Variants in DNAH11 observed in about 807,000 individuals in gnomAD.
DNAH11 encodes axonemal beta dynein heavy chain 11.
Under a neutral mutation model 526.0 loss-of-function variants are expected in DNAH11, and 442 were observed. The ratio of observed to expected loss-of-function variants is 0.84; its 90% CI spans 0.78 to 0.91. The LOEUF (loss-of-function observed/expected upper bound fraction) is 0.91, where lower values mean the gene tolerates loss of function less well. Among genes scored for constraint, DNAH11 ranks in the 40% least tolerant of loss-of-function variants. DNAH11 has a pLI of 0.00. For missense variants in DNAH11, 6,989 were observed against 5,448.7 expected (o/e 1.28, Z -8.90); for synonymous variants, 2,461 against 1,935.9 (o/e 1.27, Z -7.12).
At position 21,579,706 on chromosome 7, in the gene DNAH11, A is replaced by C. The variant is rs549212504; in HGVS notation, c.1594-2199A>C. Among the ~76,000 whole-genome samples, 285 of 152,354 alleles carry C rather than the reference A, an allele frequency of 1.9e-3. 1 individual carries two copies. Among genetic ancestry groups the C allele is most frequent in the African/African-American group, 6.6e-3 (273 of 41,582 alleles). On this transcript the variant is annotated intron_variant, in intron 8 of 81. Transcript: ENST00000409508. The stretch of plus-strand genomic sequence containing the variant: ...TGCTAAGACCTTTGGACGTTATCCT[A>C]AGAAACTGACAATTCCGAATTAAGA...
chr7:21,845,656 G>A (rs185264145), intron 66 of DNAH11, among the ~76,000 whole-genome samples: 2 of 152,210 alleles, frequency 1.3e-5, no homozygotes, highest in Admixed American at 6.5e-5. Flanking sequence ...GCCAAGTAGT[G>A]TCAATTCTCT....
intron 63 of DNAH11, among the ~76,000 whole-genome samples, chr7:21,812,522 T>C (rs2127998541): frequency 6.6e-6 from 1 of 151,892 alleles, no homozygotes; most frequent in South Asian, 2.1e-4. Flanking sequence ...AAAATTTTTT[T>C]TAAACCCAGC....
At chr7:21,803,558 C>T (rs1238359433) in intron 62 of DNAH11, among the ~76,000 whole-genome samples, 1 of 150,784 alleles carries the variant, frequency 6.6e-6, no homozygotes, top group Non-Finnish European at 1.5e-5. Flanking sequence ...TTTCTTTAGT[C>T]AGAACTAGAT....
chr7:21,808,155 C>G, intron 63 of DNAH11, 106 bp downstream of exon 63: 1 of 860,698 alleles, frequency 1.2e-6, no homozygotes, highest in Non-Finnish European at 1.6e-6. Context: ...GTAATGAGAA[C>G]TGACCAGAAA....
intron 73 of DNAH11, among the ~76,000 whole-genome samples, chr7:21,872,039 G>C (rs1437676785): frequency 6.9e-6 from 1 of 145,820 alleles, no homozygotes; most frequent in Admixed American, 7.0e-5. Flanking sequence ...CAGGAGAATA[G>C]TGTGAACCCA....
rs1427393462 is a variant in DNAH11 at position 21,564,276 on chromosome 7, G to T, written c.1073G>T (p.Arg358Leu). ...CAGGAGACGGAATTCCCACAGACACGCATATTAATCGCTCCATTATTTCAT... is the reference window on the plus strand; with the variant it reads ...CAGGAGACGGAATTCCCACAGACACTCATATTAATCGCTCCATTATTTCAT... ...CLQETEFPQT[R>L]ILIAPLFHTI... Residue 358 changes from arginine (R) to leucine (L), a missense_variant, in exon 6 of 82, where the codon CGC becomes CTC. Physicochemically the swap from Arg to Leu is moderately radical, Grantham distance 102. Coordinates refer to ENST00000409508, the MANE Select transcript of DNAH11 (RefSeq NM_001277115.2). The T allele has an allele frequency of 4.3e-6, 7 of 1,613,350 alleles. No homozygotes were observed. In the Admixed American group the frequency reaches 1.2e-4, roughly 27 times the overall value.
rs199911435 is a variant in DNAH11 at position 21,601,605 on chromosome 7, A to G, written c.3635A>G (p.Tyr1212Cys). Residue 1212 changes from tyrosine to cysteine, a missense_variant, in exon 18 of 82, where the codon TAT becomes TGT. Transcript: ENST00000409508. ...GGCCAGAAGATGCCTGAGCAGGTCT[A>G]TATTCAGCTAGAGGTAAGTGCAGAG... ...SYGQKMPEQV[Y>C]IQLEELPERW... 28 of 1,579,340 alleles carry G rather than the reference A, an allele frequency of 1.8e-5. No individual in the cohort carries two copies. The African/African-American group carries it at 2.2e-4, about 12-fold the overall frequency.
intron 76 of DNAH11, among the ~76,000 whole-genome samples, chr7:21,885,272 ATAAAG>A (rs1317378832): frequency 6.7e-6 from 1 of 149,488 alleles, no homozygotes; most frequent in Non-Finnish European, 1.5e-5. Context: ...ATGTGTGATA[ATAAAG>A]TAATATAGTT....
chr7:21,702,611 A>T, intron 36 of DNAH11, 99 bp from the exon 37 acceptor site: 1 of 908,286 alleles, frequency 1.1e-6, no homozygotes, highest in Non-Finnish European at 1.8e-6. Context: ...GTGTGTATTT[A>T]TCTGAACTCC....
intron 14 of DNAH11, among the ~76,000 whole-genome samples, chr7:21,592,255 G>C (rs1362569128): frequency 6.6e-6 from 1 of 152,214 alleles, no homozygotes; most frequent in Non-Finnish European, 1.5e-5. Flanking sequence ...GAGCAGAGCA[G>C]GTGGGATAGG....
At chr7:21,655,732 C>G (rs988214669) in intron 28 of DNAH11, 100 bp from the exon 29 acceptor site, 16 of 1,222,048 alleles carry the variant, frequency 1.3e-5, no homozygotes, top group Middle Eastern at 2.0e-4. Flanking sequence ...ACAACTCTAA[C>G]TCCATAACGT....
intron 30 of DNAH11, among the ~76,000 whole-genome samples, chr7:21,665,562 T>C (rs1782392334): frequency 6.6e-6 from 1 of 152,136 alleles, no homozygotes; most frequent in Non-Finnish European, 1.5e-5. Context: ...TTCTCATTCT[T>C]ATAAAATTAT....
At chr7:21,897,898 T>C (rs752332295) in intron 79 of DNAH11, among the ~76,000 whole-genome samples, 14 of 152,232 alleles carry the variant, frequency 9.2e-5, no homozygotes, top group Non-Finnish European at 1.8e-4. Flanking sequence ...ATTACAGATG[T>C]GAGCCACCAC....
intron 30 of DNAH11, among the ~76,000 whole-genome samples, chr7:21,664,270 T>G (rs141330602): frequency 1.4e-3 from 207 of 152,182 alleles, no homozygotes; most frequent in African/African-American, 4.7e-3. Flanking sequence ...TAGCTCTAGT[T>G]CTGAGGCTGG....
chr7:21,561,254 C>T (rs1388348804), intron 5 of DNAH11, 84 bp downstream of exon 5: 2 of 978,768 alleles, frequency 2.0e-6, no homozygotes, highest in East Asian at 2.6e-5. Context: ...TGATATTTAC[C>T]CTTCCGCCAT....
intron 67 of DNAH11, among the ~76,000 whole-genome samples, chr7:21,854,092 C>T (rs748921878): frequency 6.6e-6 from 1 of 152,048 alleles, no homozygotes; most frequent in Non-Finnish European, 1.5e-5. Context: ...CCTAGAAAAC[C>T]GCTAGAGTTA....
intron 7 of DNAH11, among the ~76,000 whole-genome samples, chr7:21,571,347 C>T (rs115045415): frequency 0.041 from 6,214 of 152,202 alleles, 139 homozygotes; most frequent in South Asian, 0.063. Flanking sequence ...GTGGTGTGAA[C>T]ACAGCTCACT....
intron 25 of DNAH11, among the ~76,000 whole-genome samples, chr7:21,625,538 A>G (rs967625464): frequency 1.3e-5 from 2 of 151,876 alleles, no homozygotes; most frequent in African/African-American, 4.8e-5. Context: ...TTTTCCTACT[A>G]TTGATTGTGG....
At chr7:21,635,333 T>G (rs1562717665) in intron 25 of DNAH11, among the ~76,000 whole-genome samples, 1 of 152,188 alleles carries the variant, frequency 6.6e-6, no homozygotes, top group Non-Finnish European at 1.5e-5. Context: ...ATTTCTTGTA[T>G]TTTTAGTAGA....
Sources: allele counts gnomAD v4.1 joint callset (sites outside exome capture counted in the v4.1 genomes callset), GRCh38; gene constraint gnomAD v4.1.1; transcripts MANE v1.5; gene names NCBI Gene and HGNC (gene_info 2026-07-23, HGNC 2026-07-21).